The following LPIN1 variants were observed in gnomAD, a reference collection of about 807,000 sequenced individuals.
LPIN1 encodes lipin 1.
A neutral mutation model predicts 107.5 loss-of-function variants in LPIN1; 71 were observed. The observed-to-expected ratio is 0.66, with a 90% CI of 0.55 to 0.80. The LOEUF (loss-of-function observed/expected upper bound fraction) is 0.80, where lower values mean the gene tolerates loss of function less well. LPIN1 is among the 30% of genes least tolerant of loss of function. LPIN1 has a pLI of 0.00. For synonymous variants in LPIN1, 445 were observed against 452.6 expected, an observed-to-expected ratio of 0.98 and a Z score of 0.21; for missense variants, 1,043 against 1,160.6, an observed-to-expected ratio of 0.90 and a Z score of 1.47.
chr2:11,702,786 C>T (rs1662937644), intron 1 of LPIN1, among the ~76,000 whole-genome samples: 1 of 152,152 alleles, frequency 6.6e-6, no homozygotes. Flanking sequence ...GTCTCTCTGC[C>T]TCTCCCTGTC....
intron 1 of LPIN1, among the ~76,000 whole-genome samples, chr2:11,726,266 A>G (rs937838794): frequency 6.6e-6 from 1 of 152,072 alleles, no homozygotes; most frequent in African/African-American, 2.4e-5. Flanking sequence ...GCTCTCCCGG[A>G]CCTTCAGGAC....
At chr2:11,789,522 A>C (rs1295611029) in intron 12 of LPIN1, among the ~76,000 whole-genome samples, 1 of 145,706 alleles carries the variant, frequency 6.9e-6, no homozygotes, top group Non-Finnish European at 1.5e-5. Flanking sequence ...GTATGTGTGG[A>C]TGTGCACATG....
intron 2 of LPIN1, among the ~76,000 whole-genome samples, chr2:11,716,961 C>T (rs1472848954): frequency 6.6e-6 from 1 of 152,106 alleles, no homozygotes; most frequent in Admixed American, 6.5e-5. Flanking sequence ...AGAATTCTAG[C>T]TTATCCTGGC....
rs995247761 is a variant in LPIN1, at chr2:11,808,484, G to A, written c.2249+3328G>A. ...GCTAGGGTACCAGGGAAAAGATGCC[G>A]TTTACATGAGGGTTTGTGGACTTTT... On this transcript the variant is annotated intron_variant, in intron 17 of 20. Coordinates refer to ENST00000674199, the MANE Select transcript of LPIN1 (RefSeq NM_001349206.2). Among the ~76,000 whole-genome samples the A allele has an allele frequency of 5.3e-5, 8 of 152,268 alleles. No individual in the cohort carries two copies. In the East Asian group the frequency reaches 7.7e-4, roughly 15 times the overall value.
chr2:11,763,062 C>T (rs1250863802), intron 1 of LPIN1: 3 of 152,206 alleles, frequency 2.0e-5, no homozygotes, highest in Non-Finnish European at 4.4e-5. Flanking sequence ...GCCAAACCAT[C>T]AGGTGAATAA....
Position 11,771,631 on chromosome 2 carries a change from C to T in LPIN1, c.548C>T (p.Pro183Leu), listed in dbSNP as rs762611185. The change falls in exon 4 of 21, where the codon CCC (proline) becomes CTC (leucine). Residue 183 changes from proline to leucine, a missense_variant. Pro to Leu is a moderately conservative substitution (Grantham distance 98). Coordinates refer to ENST00000674199, the MANE Select transcript of LPIN1 (RefSeq NM_001349206.2). This position sits in a 1 kb window ranked among gnomAD's most constrained non-coding sequence, Gnocchi z 4.8. ...MNTSEDEDMF[P>L]IEMSSDEAME... is the part of the protein sequence containing the mutation. ...ACATCTGAGGATGAGGACATGTTCC[C>T]CATCGAGATGAGCTCGGATGAGGCC... The T allele has an allele frequency of 1.7e-5, 27 of 1,606,154 alleles. No individual in the cohort carries two copies. The South Asian group carries it at 3.0e-4, about 18-fold the overall frequency.
intron 12 of LPIN1, among the ~76,000 whole-genome samples, chr2:11,789,123 G>A (rs1053892771): frequency 1.3e-5 from 2 of 152,372 alleles, no homozygotes; most frequent in South Asian, 4.1e-4. Context: ...TGCAGAGACT[G>A]CCTTAGGCTT....
In LPIN1 at chr2:11,765,923, G is replaced by A. The variant is rs75403163; in HGVS notation, c.192+190G>A. Among the ~76,000 whole-genome samples the A allele has an allele frequency of 0.029, 4,487 of 152,276 alleles. 103 individuals are homozygous for A. Among genetic ancestry groups the A allele is most frequent in the South Asian group, 0.07 (338 of 4,828 alleles). On this transcript the variant is annotated intron_variant, in intron 2 of 20. Coordinates refer to ENST00000674199, the MANE Select transcript of LPIN1 (RefSeq NM_001349206.2). This position sits in a 1 kb window ranked among gnomAD's most constrained non-coding sequence, Gnocchi z 4.4. The stretch of plus-strand genomic sequence containing the variant: ...GTATGGCTGTGTAAATTAAAGTGCC[G>A]TGGCACACACCACTGTTTATTAAGC...
At chr2:11,723,859 C>T (rs575540736), upstream of LPIN1, 7 of 152,260 alleles carry the variant, frequency 4.6e-5, no homozygotes, top group South Asian at 1.5e-3. Context: ...GACAATAATT[C>T]AAAAATTGTA....
chr2:11,738,863 G>A (rs1666052342), intron 1 of LPIN1, among the ~76,000 whole-genome samples: 1 of 152,218 alleles, frequency 6.6e-6, no homozygotes, highest in Non-Finnish European at 1.5e-5. Flanking sequence ...GCACATGAAT[G>A]TGAGGAAACC....
At chr2:11,740,386 T>C (rs528920877) in intron 1 of LPIN1, among the ~76,000 whole-genome samples, 42 of 152,194 alleles carry the variant, frequency 2.8e-4, no homozygotes, top group Non-Finnish European at 5.1e-4. Context: ...CCCAGTCAAG[T>C]TGACACCAAA....
rs573105385 is a variant in LPIN1, at chr2:11,678,941, AG to A, written c.81+1214del. 5.4e-4 allele frequency among the ~76,000 whole-genome samples: 82 copies of A among 152,356 alleles called. 1 individual carries two copies. Among genetic ancestry groups the A allele is most frequent in the Non-Finnish European group, 8.5e-4 (58 of 68,034 alleles). The stretch of plus-strand genomic sequence containing the variant: ...AATGACACCCACACTCAGATTAAGT[AG>A]ACCATTTTTGTGGTTAGTCAGGGAT... On this transcript the variant is annotated intron_variant, in intron 1 of 21. Coordinates refer to the LPIN1 transcript ENST00000449576.
At chr2:11,732,296 T>G (rs187413417) in intron 1 of LPIN1, among the ~76,000 whole-genome samples, 58 of 152,348 alleles carry the variant, frequency 3.8e-4, no homozygotes, top group Non-Finnish European at 6.3e-4. Context: ...ATACTGCATT[T>G]CAGTTAGAAG....
At chr2:11,779,389 T>G in intron 6 of LPIN1, 130 bp from the exon 7 acceptor site, 1 of 1,005,706 alleles carries the variant, frequency 9.9e-7, no homozygotes, top group Non-Finnish European at 1.5e-6. Context: ...GGATTTGTCA[T>G]GAGGCTCCGC....
At chr2:11,760,651 G>T (rs951792757) in intron 1 of LPIN1, among the ~76,000 whole-genome samples, 4 of 152,110 alleles carry the variant, frequency 2.6e-5, no homozygotes, top group Admixed American at 2.6e-4. Flanking sequence ...GCTTCGGCTC[G>T]GCATCAGAGG....
intron 1 of LPIN1, among the ~76,000 whole-genome samples, chr2:11,690,613 C>T (rs1343126496): frequency 6.6e-6 from 1 of 152,190 alleles, no homozygotes; most frequent in African/African-American, 2.4e-5. Context: ...CTGTATCCTC[C>T]ATGCCTCCTA....
rs372248169 is a variant in LPIN1 at position 11,824,824 on chromosome 2, G to C, written c.*33G>C. ...CAAGCAGCCTCTTGCCAGCAGTGCA[G>C]AGCCTGGTTGTCACCCATTAAAGGA... On this transcript the variant is annotated 3_prime_UTR_variant, in exon 21 of 21. Transcript: ENST00000674199. The C allele has an allele frequency of 2.5e-5, 40 of 1,613,438 alleles. No homozygotes were observed. Among genetic ancestry groups the C allele is most frequent in the Non-Finnish European group, 1.8e-5 (21 of 1,179,700 alleles).
intron 11 of LPIN1, among the ~76,000 whole-genome samples, chr2:11,787,932 C>T (rs965441204): frequency 6.8e-6 from 1 of 146,668 alleles, no homozygotes; most frequent in African/African-American, 2.6e-5. Context: ...AAGAGCAAGA[C>T]TCTGTCTCAA....
At chr2:11,677,615 T>G in exon 1 of LPIN1, 1 of 1,477,882 alleles carries the variant, frequency 6.8e-7, no homozygotes, top group East Asian at 2.5e-5. Context: ...TGATGCTGGG[T>G]GAGGAGGCAG....
Sources: gnomAD v4.1 joint callset for allele counts (sites outside exome capture counted in the v4.1 genomes callset) on GRCh38, gnomAD v4.1.1 for gene constraint, Gnocchi (gnomAD v3.1) non-coding constraint, MANE v1.5 for transcripts, NCBI Gene and HGNC (gene_info 2026-07-23, HGNC 2026-07-21) for gene names.